Variants in BCAS3 observed in about 807,000 individuals in gnomAD.
BCAS3 encodes the protein BCAS4/BCAS3 fusion.
BCAS3 carries 53 observed loss-of-function variants against 116.1 expected under a neutral mutation model. The observed-to-expected ratio is 0.46, with a 90% CI of 0.37 to 0.57. The LOEUF (loss-of-function observed/expected upper bound fraction) is 0.57, where lower values mean the gene tolerates loss of function less well. Ranked by LOEUF, BCAS3 falls within the 20% of genes least tolerant of loss-of-function variation. The pLI, the probability that BCAS3 is intolerant of heterozygous loss-of-function variation, is 0.00. For missense variants in BCAS3, 917 were observed against 1,165.4 expected (o/e 0.79, Z 3.10); for synonymous variants, 391 against 408.2 (o/e 0.96, Z 0.51).
At chr17:61,269,889 C>T (rs553068149) in intron 22 of BCAS3, among the ~76,000 whole-genome samples, 12 of 151,404 alleles carry the variant, frequency 7.9e-5, no homozygotes, top group Admixed American at 1.3e-4. Context: ...CTGCAACCTC[C>T]GCCTCCCGGG....
At chr17:60,848,950 T>C (rs2052790069) in intron 7 of BCAS3, among the ~76,000 whole-genome samples, 1 of 152,204 alleles carries the variant, frequency 6.6e-6, no homozygotes, top group Non-Finnish European at 1.5e-5. Context: ...CACTTCCCGC[T>C]TGAGATGAGC....
intron 5 of BCAS3, among the ~76,000 whole-genome samples, chr17:60,742,411 A>T (rs2041641010): frequency 6.6e-6 from 1 of 150,806 alleles, no homozygotes; most frequent in African/African-American, 2.4e-5. Flanking sequence ...AATCTTTCAC[A>T]ATTTTCCTTG....
chr17:60,874,630 T>C, intron 8 of BCAS3, 32 bp from the exon 9 acceptor site: 1 of 1,504,642 alleles, frequency 6.6e-7, no homozygotes, highest in Non-Finnish European at 9.2e-7. Flanking sequence ...TCACTTTTTT[T>C]CTTTCTGTTT....
chr17:61,145,092 G>A lies in BCAS3; in HGVS notation c.2425+60528G>A, dbSNP rs1393881241. ...ATTATCAAAACTCTCCCTGGAGGGAGATGCAACTTTGGCTCGCCTCACCGG... is the reference window on the plus strand; with the variant it reads ...ATTATCAAAACTCTCCCTGGAGGGAAATGCAACTTTGGCTCGCCTCACCGG... On this transcript the variant is annotated intron_variant, in intron 22 of 23. Coordinates refer to ENST00000407086, the MANE Select transcript of BCAS3 (RefSeq NM_017679.5). The surrounding 1 kb of genome is among the most constrained non-coding windows in gnomAD (Gnocchi z 5.0). Among the ~76,000 whole-genome samples the A allele has an allele frequency of 6.6e-6, 1 of 152,230 alleles. No individual in the cohort carries two copies. Among genetic ancestry groups the A allele is most frequent in the Non-Finnish European group, 1.5e-5 (1 of 68,040 alleles).
At position 60,855,169 on chromosome 17, in the gene BCAS3, C is replaced by T. The variant is rs143823854; in HGVS notation, c.477-13407C>T. ...TTCACCATGTTGGTCAGGTTGGTCT[C>T]GAACTCCTGACCTCGTGATCTACCC... On this transcript the variant is annotated intron_variant, in intron 7 of 23. Coordinates refer to ENST00000407086, the MANE Select transcript of BCAS3 (RefSeq NM_017679.5). Among the ~76,000 whole-genome samples the T allele has an allele frequency of 8.6e-3, 1,296 of 151,130 alleles. 14 individuals are homozygous for T. The highest frequency in any genetic ancestry group is 0.029 in the African/African-American group (1,215 of 41,236).
At chr17:61,293,586 T>C (rs1602472515) in intron 22 of BCAS3, among the ~76,000 whole-genome samples, 1 of 152,178 alleles carries the variant, frequency 6.6e-6, no homozygotes, top group African/African-American at 2.4e-5. Context: ...AAGTGACAGG[T>C]ATATGGACCC....
In BCAS3 at chr17:61,243,637, TCAC is replaced by T. The variant is rs2047700838; in HGVS notation, c.2426-124687_2426-124685del. ...TACAGTTTGATTGAATCAAGGGTAATCACCATTATCCTGATTTTCAGGACTTTC... is the reference window on the plus strand; with the variant it reads ...TACAGTTTGATTGAATCAAGGGTAATCATTATCCTGATTTTCAGGACTTTC... On this transcript the variant is annotated intron_variant, in intron 22 of 23. Transcript: ENST00000407086. The surrounding 1 kb of genome is among the most constrained non-coding windows in gnomAD (Gnocchi z 5.6). Among the ~76,000 whole-genome samples, 1 of 152,210 alleles carries T rather than the reference TCAC, an allele frequency of 6.6e-6. No individual in the cohort carries two copies. The highest frequency in any genetic ancestry group is 1.5e-5 in the Non-Finnish European group (1 of 68,036).
chr17:61,385,184 G>A (rs1346550372), intron 23 of BCAS3, among the ~76,000 whole-genome samples: 2 of 152,232 alleles, frequency 1.3e-5, no homozygotes, highest in Non-Finnish European at 2.9e-5. Context: ...TTCAGGCACA[G>A]GACTGGTGTA....
intron 22 of BCAS3, among the ~76,000 whole-genome samples, chr17:61,207,855 G>A (rs926763980): frequency 6.6e-6 from 1 of 152,120 alleles, no homozygotes; most frequent in African/African-American, 2.4e-5. Flanking sequence ...ATATATATTT[G>A]TGTGTTGCTT....
In BCAS3 at chr17:61,215,428, A is replaced by T. The variant is rs534737845; in HGVS notation, c.2425+130864A>T. On this transcript the variant is annotated intron_variant, in intron 22 of 23. Transcript: ENST00000407086. The surrounding 1 kb of genome is among the most constrained non-coding windows in gnomAD (Gnocchi z 4.8). Reference sequence around the variant, plus strand: ...TTTTGTGAAGCATCTACACTAGATGATTCCTGTCCTCCCTCTAGATTTGTA... The same window carrying T: ...TTTTGTGAAGCATCTACACTAGATGTTTCCTGTCCTCCCTCTAGATTTGTA... 4.6e-5 allele frequency among the ~76,000 whole-genome samples: 7 copies of T among 152,178 alleles called. No homozygotes were observed. Among genetic ancestry groups the T allele is most frequent in the Non-Finnish European group, 8.8e-5 (6 of 68,028 alleles).
At chr17:60,855,477 CAG>C (rs2053596378) in intron 7 of BCAS3, among the ~76,000 whole-genome samples, 1 of 121,340 alleles carries the variant, frequency 8.2e-6, no homozygotes, top group Non-Finnish European at 1.7e-5. Flanking sequence ...TTTTTTGAGG[CAG>C]AGTCTTGCTC....
At chr17:60,898,156 A>G (rs767888344) in intron 10 of BCAS3, among the ~76,000 whole-genome samples, 8 of 152,054 alleles carry the variant, frequency 5.3e-5, no homozygotes, top group Non-Finnish European at 1.0e-4. Flanking sequence ...CTTGAATCTC[A>G]CAAGGTTGTT....
chr17:61,182,078 T>C (rs1268863961), intron 22 of BCAS3, among the ~76,000 whole-genome samples: 1 of 152,078 alleles, frequency 6.6e-6, no homozygotes, highest in Non-Finnish European at 1.5e-5. Flanking sequence ...TCCTACTGTT[T>C]TGCCCTGTTG....
intron 22 of BCAS3, among the ~76,000 whole-genome samples, chr17:61,091,456 C>G (rs2073563830): frequency 6.6e-6 from 1 of 152,188 alleles, no homozygotes; most frequent in Non-Finnish European, 1.5e-5. Context: ...TTCCATTTGT[C>G]TTAGTGACAT....
chr17:61,067,738 A>ATATATATATAT (rs1271397665), intron 19 of BCAS3, among the ~76,000 whole-genome samples: 3 of 139,132 alleles, frequency 2.2e-5, no homozygotes, highest in African/African-American at 9.3e-5. Context: ...AAAAAAAAAA[A>ATATATATATAT]AAATATATAT....
At position 61,380,525 on chromosome 17, in the gene BCAS3, AG is replaced by A; in HGVS notation, c.2594-11451del. 1 of 1,598,256 alleles carries A rather than the reference AG, an allele frequency of 6.3e-7. No homozygotes were observed. The highest frequency in any genetic ancestry group is 8.5e-7 in the Non-Finnish European group (1 of 1,179,618). On this transcript the variant is annotated intron_variant, in intron 23 of 23. Coordinates refer to ENST00000407086, the MANE Select transcript of BCAS3 (RefSeq NM_017679.5). This position sits in a 1 kb window ranked among gnomAD's most constrained non-coding sequence, Gnocchi z 4.2. ...ATACAGACACAGCCCTTGACGTAGC[AG>A]TAAAAACCTTCCCCCCTGAGAGACA...
At position 61,045,849 on chromosome 17, in the gene BCAS3, C is replaced by CTCTCTCTCTCTCTATA. The variant is rs1247914760; in HGVS notation, c.2029+4958_2029+4959insCTCTCTCTCTCTATAT. Among the ~76,000 whole-genome samples, 2 of 7,938 alleles carry CTCTCTCTCTCTCTATA rather than the reference C, an allele frequency of 2.5e-4. 1 individual carries two copies. The highest frequency in any genetic ancestry group is 2.3e-3 in the African/African-American group (2 of 858). 5.2% of individuals were successfully genotyped at this position (7,938 alleles called of 152,430 possible). A position where few individuals can be genotyped will look rare whatever the true frequency, so the allele number is the denominator to read the frequency against. On this transcript the variant is annotated intron_variant, in intron 19 of 23. Transcript: ENST00000407086. ...TCTCTCTCTCTCTCTCTCTCTCTCT[C>CTCTCTCTCTCTCTATA]TATATATATATATATAAATATATAT...
Position 60,910,443 on chromosome 17 carries a change from T to C in BCAS3, c.823-89T>C, listed in dbSNP as rs1260681234. On this transcript the variant is annotated intron_variant, in intron 11 of 23. Coordinates refer to ENST00000407086, the MANE Select transcript of BCAS3 (RefSeq NM_017679.5). ...AAAGATTGTAAGAGAATAAATAACA[T>C]AATGATTAGGAAAATTAATAAAATG... The C allele has an allele frequency of 4.7e-6, 5 of 1,072,446 alleles. No homozygotes were observed. In the African/African-American group the frequency reaches 8.2e-5, roughly 18 times the overall value. 66.4% of individuals were successfully genotyped at this position (1,072,446 alleles called of 1,614,324 possible).
chr17:61,081,463 C>G (rs950283616), intron 21 of BCAS3, among the ~76,000 whole-genome samples: 1 of 152,116 alleles, frequency 6.6e-6, no homozygotes, highest in East Asian at 1.9e-4. Context: ...TAATAAATAA[C>G]TCCCCAAATT....
Sources: gnomAD v4.1 joint callset for allele counts (sites outside exome capture counted in the v4.1 genomes callset) on GRCh38, gnomAD v4.1.1 for gene constraint, Gnocchi (gnomAD v3.1) non-coding constraint, MANE v1.5 for transcripts, NCBI Gene and HGNC (gene_info 2026-07-23, HGNC 2026-07-21) for gene names.